The following CALN1 variants were observed in gnomAD, a reference collection of about 807,000 sequenced individuals.
CALN1 encodes calcium-binding protein 8.
Under a neutral mutation model 30.6 loss-of-function variants are expected in CALN1, and 17 were observed. That is an observed-to-expected ratio of 0.56 (90% CI 0.38 to 0.83). The LOEUF is 0.83. CALN1 is among the 40% of genes least tolerant of loss of function. The pLI, the probability that CALN1 is intolerant of heterozygous loss-of-function variation, is 0.00. For synonymous variants in CALN1, 156 were observed against 131.4 expected, an observed-to-expected ratio of 1.19 and a Z score of -1.28; for missense variants, 291 against 354.9, an observed-to-expected ratio of 0.82 and a Z score of 1.45.
intron 3 of CALN1, among the ~76,000 whole-genome samples, chr7:72,245,659 T>TAAAG (rs971846449): frequency 1.4e-5 from 2 of 144,076 alleles, no homozygotes; most frequent in South Asian, 2.2e-4. Context: ...AATAAATAAA[T>TAAAG]AAAGTTGAGT....
At chr7:71,992,611 A>G (rs1007300011) in intron 5 of CALN1, among the ~76,000 whole-genome samples, 1 of 152,128 alleles carries the variant, frequency 6.6e-6, no homozygotes, top group Non-Finnish European at 1.5e-5. Context: ...TCCAGCCTTG[A>G]CCTTCCAAAC....
chr7:72,056,753 G>A (rs1199792494), intron 4 of CALN1, among the ~76,000 whole-genome samples: 1 of 152,000 alleles, frequency 6.6e-6, no homozygotes, highest in Non-Finnish European at 1.5e-5. Flanking sequence ...CTTCAAATAC[G>A]AAGAAATTCA....
chr7:71,846,187 G>A (rs1342059211), intron 5 of CALN1, among the ~76,000 whole-genome samples: 1 of 152,178 alleles, frequency 6.6e-6, no homozygotes, highest in African/African-American at 2.4e-5. Context: ...CACCAACAAA[G>A]AATCGCCCTA....
rs1554353678 is a variant in CALN1 at position 71,847,805 on chromosome 7, A to AAGG, written c.502-37314_502-37313insCCT. On this transcript the variant is annotated intron_variant, in intron 5 of 6. Transcript: ENST00000395275. Reference sequence around the variant, plus strand: ...AAGAAGAAGAAGAAGAAAAGAAGAAAAGAAGGAGAAGGAGAAGGAGAAGGA... The same window carrying AAGG: ...AAGAAGAAGAAGAAGAAAAGAAGAAAAGGAGAAGGAGAAGGAGAAGGAGAAGGA... Among the ~76,000 whole-genome samples the AAGG allele has an allele frequency of 1.0e-4, 13 of 124,422 alleles. 1 individual carries two copies. The highest frequency in any genetic ancestry group is 6.9e-4 in the Admixed American group (8 of 11,596). The allele number at this position is 124,422 out of a possible 152,430, so 81.6% of individuals were successfully genotyped here.
chr7:71,980,441 G>A lies in CALN1; in HGVS notation c.501+43216C>T, dbSNP rs191296996. Among the ~76,000 whole-genome samples, 9 of 151,836 alleles carry A rather than the reference G, an allele frequency of 5.9e-5. No homozygotes were observed. The East Asian group carries it at 9.7e-4, about 16-fold the overall frequency. On this transcript the variant is annotated intron_variant, in intron 5 of 6. Coordinates refer to ENST00000395275, the MANE Select transcript of CALN1 (RefSeq NM_031468.4). ...ATCTCAGGTGATTCTCCTGTCTCTCGGACTCCCACAAGTGCTGGGATTACA... is the reference window on the plus strand; with the variant it reads ...ATCTCAGGTGATTCTCCTGTCTCTCAGACTCCCACAAGTGCTGGGATTACA...
chr7:71,825,780 C>A (rs1788872484), intron 5 of CALN1, among the ~76,000 whole-genome samples: 1 of 151,972 alleles, frequency 6.6e-6, no homozygotes, highest in South Asian at 2.1e-4. Flanking sequence ...TGTCTGTAAT[C>A]CCATCACTCT....
chr7:72,113,461 A>T (rs778779838), intron 3 of CALN1, among the ~76,000 whole-genome samples: 5 of 152,174 alleles, frequency 3.3e-5, no homozygotes, highest in Non-Finnish European at 7.3e-5. Context: ...TATATTTTCT[A>T]TATAAATTAT....
In CALN1 at chr7:72,003,452, A is replaced by G. The variant is rs190242988; in HGVS notation, c.501+20205T>C. 3.6e-3 allele frequency among the ~76,000 whole-genome samples: 541 copies of G among 152,364 alleles called. 5 individuals are homozygous for G. Among genetic ancestry groups the G allele is most frequent in the African/African-American group, 0.012 (517 of 41,594 alleles). ...GCGGTGGTTAGGAACTGGACTGCACAGCAGAGGGAGAACGGCAGGCTAGAG... is the reference window on the plus strand; with the variant it reads ...GCGGTGGTTAGGAACTGGACTGCACGGCAGAGGGAGAACGGCAGGCTAGAG... On this transcript the variant is annotated intron_variant, in intron 5 of 6. Coordinates refer to ENST00000395275, the MANE Select transcript of CALN1 (RefSeq NM_031468.4).
chr7:72,283,385 T>C (rs1205589487), intron 2 of CALN1, among the ~76,000 whole-genome samples: 1 of 151,688 alleles, frequency 6.6e-6, no homozygotes, highest in Non-Finnish European at 1.5e-5. Flanking sequence ...AATAAAAAAA[T>C]TTAGCTGGGC....
chr7:72,135,980 A>C (rs898637731), intron 3 of CALN1, among the ~76,000 whole-genome samples: 2 of 152,018 alleles, frequency 1.3e-5, no homozygotes, highest in Non-Finnish European at 1.5e-5. Flanking sequence ...TAAAACTACA[A>C]AAATAAGCTG....
chr7:71,833,260 A>G (rs1191904680), intron 5 of CALN1, among the ~76,000 whole-genome samples: 1 of 152,184 alleles, frequency 6.6e-6, no homozygotes, highest in African/African-American at 2.4e-5. Flanking sequence ...TGTTCTGTCC[A>G]TGAGACTGTG....
At chr7:72,113,422 T>G (rs1807714750) in intron 3 of CALN1, among the ~76,000 whole-genome samples, 1 of 152,190 alleles carries the variant, frequency 6.6e-6, no homozygotes, top group African/African-American at 2.4e-5. Context: ...CCATGCTTCT[T>G]ATACAGTCCG....
chr7:71,976,530 G>A (rs1297544289), intron 5 of CALN1, among the ~76,000 whole-genome samples: 2 of 152,224 alleles, frequency 1.3e-5, no homozygotes, highest in African/African-American at 4.8e-5. Context: ...AGACAGGAGC[G>A]CTGGGCGCAG....
At chr7:72,249,266 G>A (rs978064201) in intron 3 of CALN1, among the ~76,000 whole-genome samples, 1 of 152,118 alleles carries the variant, frequency 6.6e-6, no homozygotes, top group Non-Finnish European at 1.5e-5. Flanking sequence ...AGCAACAGAG[G>A]TGTCATCTTC....
chr7:72,152,576 AG>A (rs532871708), intron 3 of CALN1, among the ~76,000 whole-genome samples: 33 of 152,160 alleles, frequency 2.2e-4, no homozygotes, highest in Non-Finnish European at 4.6e-4. Context: ...GCCCAGCAAT[AG>A]GAACAACACT....
At chr7:72,153,707 A>G (rs978865438) in intron 3 of CALN1, among the ~76,000 whole-genome samples, 1 of 152,010 alleles carries the variant, frequency 6.6e-6, no homozygotes, top group African/African-American at 2.4e-5. Flanking sequence ...AAAAAGAAAA[A>G]GAAAGTTGTT....
chr7:72,295,502 G>A (rs1024268624), intron 2 of CALN1, among the ~76,000 whole-genome samples: 7 of 151,342 alleles, frequency 4.6e-5, no homozygotes, highest in Non-Finnish European at 8.8e-5. Context: ...TGAGCATGGA[G>A]TGTTCTTCCA....
At chr7:72,151,925 T>C (rs1438010070) in intron 3 of CALN1, among the ~76,000 whole-genome samples, 18 of 142,618 alleles carry the variant, frequency 1.3e-4, no homozygotes, top group African/African-American at 2.5e-4. Context: ...TTTTTTTTTT[T>C]CAAGACAGAA....
At chr7:72,049,039 G>C (rs573186004) in intron 4 of CALN1, among the ~76,000 whole-genome samples, 2 of 152,112 alleles carry the variant, frequency 1.3e-5, no homozygotes, top group East Asian at 3.9e-4. Flanking sequence ...GAACTTCCAG[G>C]TTCAAGCAAT....
Sources: allele counts gnomAD v4.1 joint callset (sites outside exome capture counted in the v4.1 genomes callset), GRCh38; gene constraint gnomAD v4.1.1; transcripts MANE v1.5; gene names NCBI Gene and HGNC (gene_info 2026-07-23, HGNC 2026-07-21).